BORCS5: variants seen among roughly 807,000 people sequenced by gnomAD.
The protein encoded by BORCS5 is BLOC-1 related complex subunit 5.
BORCS5 carries 17 observed loss-of-function variants against 22.1 expected under a neutral mutation model. The ratio of observed to expected loss-of-function variants is 0.77; its 90% confidence interval spans 0.53 to 1.15. The LOEUF is 1.15. BORCS5 is among the 50% of genes most tolerant of loss of function. The pLI is 0.00. For missense variants in BORCS5, 247 were observed against 253.2 expected (o/e 0.98, Z 0.17); for synonymous variants, 117 against 99.8 (o/e 1.17, Z -1.03).
chr12:12,422,644 G>T (rs1185166070), intron 2 of BORCS5, among the ~76,000 whole-genome samples: 3 of 151,944 alleles, frequency 2.0e-5, no homozygotes, highest in Non-Finnish European at 4.4e-5. Context: ...GACCTCCAGA[G>T]GCAGAGCAGT....
At chr12:12,382,966 G>A (rs1863806466) in intron 2 of BORCS5, among the ~76,000 whole-genome samples, 1 of 151,372 alleles carries the variant, frequency 6.6e-6, no homozygotes, top group Non-Finnish European at 1.5e-5. Context: ...TTTGATTGAG[G>A]TATAAAAACC....
intron 2 of BORCS5, among the ~76,000 whole-genome samples, chr12:12,412,190 A>C (rs1057154290): frequency 6.6e-6 from 1 of 152,174 alleles, no homozygotes; most frequent in Non-Finnish European, 1.5e-5. Context: ...ATTGCATTGA[A>C]CCTGTAAATC....
At chr12:12,438,039 AT>A (rs928203394) in intron 3 of BORCS5, among the ~76,000 whole-genome samples, 1 of 152,088 alleles carries the variant, frequency 6.6e-6, no homozygotes, top group Non-Finnish European at 1.5e-5. Flanking sequence ...AGACTCTACC[AT>A]TTTTTACAGT....
intron 2 of BORCS5, among the ~76,000 whole-genome samples, chr12:12,391,205 A>G (rs1387857067): frequency 2.6e-5 from 4 of 152,090 alleles, no homozygotes; most frequent in Non-Finnish European, 4.4e-5. Flanking sequence ...AACCTTACTC[A>G]AGATCATATC....
At chr12:12,430,291 C>T (rs1565906288) in intron 2 of BORCS5, among the ~76,000 whole-genome samples, 1 of 151,796 alleles carries the variant, frequency 6.6e-6, no homozygotes, top group Non-Finnish European at 1.5e-5. Context: ...GCTGGGACTA[C>T]AGGCGCCTGC....
At chr12:12,394,272 G>A (rs1487967038) in intron 2 of BORCS5, among the ~76,000 whole-genome samples, 1 of 152,012 alleles carries the variant, frequency 6.6e-6, no homozygotes, top group Non-Finnish European at 1.5e-5. Context: ...GTTGCAGTGA[G>A]CTGAGATCAT....
Position 12,410,690 on chromosome 12 carries a change from G to GGAT in BORCS5, c.203-24937_203-24935dup, listed in dbSNP as rs749578292. Among the ~76,000 whole-genome samples, 647 of 152,268 alleles carry GGAT rather than the reference G, an allele frequency of 4.2e-3. 11 individuals carry two copies. The highest frequency in any genetic ancestry group is 3.2e-3 in the Non-Finnish European group (220 of 68,026). ...CCTCCAGCTTTGTTCTTTTGGCTTAGGATTGACTTGGCAACACGGGCTCTT... is the reference window on the plus strand; with the variant it reads ...CCTCCAGCTTTGTTCTTTTGGCTTAGGATGATTGACTTGGCAACACGGGCTCTT... On this transcript the variant is annotated intron_variant, in intron 2 of 3. Coordinates refer to ENST00000314565, the MANE Select transcript of BORCS5 (RefSeq NM_058169.6).
chr12:12,401,093 A>G (rs1941461297), intron 2 of BORCS5, among the ~76,000 whole-genome samples: 1 of 152,178 alleles, frequency 6.6e-6, no homozygotes, highest in Admixed American at 6.5e-5. Context: ...TTGTTTTACT[A>G]TTAAACAGTT....
chr12:12,415,028 G>T (rs1941894891), intron 2 of BORCS5, among the ~76,000 whole-genome samples: 1 of 137,688 alleles, frequency 7.3e-6, no homozygotes, highest in Non-Finnish European at 1.6e-5. Flanking sequence ...TCCTAGATGG[G>T]ATGGCGGCCG....
intron 3 of BORCS5, among the ~76,000 whole-genome samples, chr12:12,438,371 A>AAAAAAAAAAAAAAAAAC (rs1565915549): frequency 3.4e-5 from 4 of 117,054 alleles, no homozygotes; most frequent in African/African-American, 1.3e-4. Context: ...AAAAAAAAAA[A>AAAAAAAAAAAAAAAAAC]AAAAAAAAAC....
intron 2 of BORCS5, among the ~76,000 whole-genome samples, chr12:12,361,648 G>A (rs1863289359): frequency 6.6e-6 from 1 of 152,214 alleles, no homozygotes; most frequent in African/African-American, 2.4e-5. Flanking sequence ...TTTGCTCACT[G>A]TTGAATTCCC....
At chr12:12,421,262 G>T (rs185488139) in intron 2 of BORCS5, among the ~76,000 whole-genome samples, 3 of 152,118 alleles carry the variant, frequency 2.0e-5, no homozygotes, top group African/African-American at 7.2e-5. Flanking sequence ...AGCATGAAGC[G>T]CTGTTGAATT....
intron 2 of BORCS5, among the ~76,000 whole-genome samples, chr12:12,419,600 G>A (rs1413845713): frequency 1.3e-5 from 2 of 152,192 alleles, no homozygotes; most frequent in Non-Finnish European, 2.9e-5. Context: ...TCTAGTTCTA[G>A]ATCCTTGAGG....
At chr12:12,415,570 A>AGGGGGAAGGGGGGGGGGG (rs1565887928) in intron 2 of BORCS5, among the ~76,000 whole-genome samples, 3 of 13,216 alleles carry the variant, frequency 2.3e-4, no homozygotes, top group Non-Finnish European at 4.3e-4. Flanking sequence ...GGGGAGGGGG[A>AGGGGGAAGGGGGGGGGGG]GGGGGAGGGG....
intron 2 of BORCS5, among the ~76,000 whole-genome samples, chr12:12,415,751 G>A (rs2136096236): frequency 6.6e-6 from 1 of 151,926 alleles, no homozygotes; most frequent in Non-Finnish European, 1.5e-5. Flanking sequence ...TGGGATTTTT[G>A]CATCAATGTT....
At position 12,357,379 on chromosome 12, in the gene BORCS5, C is replaced by T. The variant is rs1000514282; in HGVS notation, c.-73C>T. On this transcript the variant is annotated 5_prime_UTR_variant, in exon 1 of 4. Transcript: ENST00000314565. ...GCCTCCCCGTCCCGGTCCCTGGCCC[C>T]TGCCCTGTCGCCCGCCGCCGGAGCG... 1.3e-6 allele frequency: 2 copies of T among 1,564,350 alleles called. No homozygotes were observed. Among genetic ancestry groups the T allele is most frequent in the South Asian group, 1.2e-5 (1 of 85,840 alleles).
intron 3 of BORCS5, among the ~76,000 whole-genome samples, chr12:12,439,206 A>T (rs1565916648): frequency 6.6e-6 from 1 of 152,214 alleles, no homozygotes; most frequent in Non-Finnish European, 1.5e-5. Flanking sequence ...AACCGATTAG[A>T]TCAAAATCTT....
rs191617185 is a variant in BORCS5 at position 12,466,170 on chromosome 12, G to A, written c.*394G>A. The A allele has an allele frequency of 5.9e-4, 101 of 170,392 alleles. 1 individual carries two copies. Among genetic ancestry groups the A allele is most frequent in the African/African-American group, 2.2e-3 (92 of 41,720 alleles). 10.6% of individuals were successfully genotyped at this position (170,392 alleles called of 1,614,324 possible). A position where few individuals can be genotyped will look rare whatever the true frequency, so the allele number is the denominator to read the frequency against. ...TTTTACGAAGCTCTGTGTTCTCAAC[G>A]CCCTCATGAACTTTTCAGTAGGCTG... On this transcript the variant is annotated 3_prime_UTR_variant, in exon 4 of 4. Transcript: ENST00000314565.
At chr12:12,397,247 G>C (rs889939913) in intron 2 of BORCS5, among the ~76,000 whole-genome samples, 1 of 152,094 alleles carries the variant, frequency 6.6e-6, no homozygotes, top group African/African-American at 2.4e-5. Flanking sequence ...GTATTTCTAG[G>C]TGCGTTGGAT....
Sources: allele counts gnomAD v4.1 joint callset (sites outside exome capture counted in the v4.1 genomes callset), GRCh38; gene constraint gnomAD v4.1.1; transcripts MANE v1.5; gene names NCBI Gene and HGNC (gene_info 2026-07-23, HGNC 2026-07-21).